The following ZNF708 variants were observed in gnomAD, a reference collection of about 807,000 sequenced individuals.
The protein encoded by ZNF708 is ZNF15, ZNF15L1.
A neutral mutation model predicts 47.0 loss-of-function variants in ZNF708; 44 were observed. The ratio of observed to expected loss-of-function variants is 0.94; its 90% CI spans 0.74 to 1.20. ZNF708 has a LOEUF of 1.20. Ranked by LOEUF, ZNF708 falls within the 50% of genes most tolerant of loss-of-function variation. The probability of loss-of-function intolerance (pLI) is 0.00; values close to 1 mark genes in which losing one functional copy is unlikely to be tolerated. For missense variants in ZNF708, 557 were observed against 656.0 expected (o/e 0.85, Z 1.65); for synonymous variants, 184 against 218.5 (o/e 0.84, Z 1.39).
intron 1 of ZNF708, among the ~76,000 whole-genome samples, chr19:21,322,960 T>C (rs928785991): frequency 3.9e-5 from 6 of 152,126 alleles, no homozygotes; most frequent in African/African-American, 1.4e-4. Context: ...AGGACTCCCA[T>C]AACCTTTTTC....
At position 21,309,260 on chromosome 19, in the gene ZNF708, G is replaced by A. The variant is rs547516; in HGVS notation, c.212C>T (p.Ala71Val). Reference protein sequence around the residue: ...EPWNMKRHEMAAKPPAMCSHF... With the variant: ...EPWNMKRHEMVAKPPAMCSHF... ...CTCTCACCTACCTGGGGGTTTGGCT[G>A]CCATCTCGTGTCTCTTCATATTCCA... The change falls in exon 3 of 4, where the codon GCA becomes GTA. Residue 71 changes from alanine to valine, a missense_variant. Ala to Val is a moderately conservative substitution (Grantham distance 64, BLOSUM62 0). Transcript: ENST00000356929. 1,533,679 of 1,602,734 alleles carry A rather than the reference G, an allele frequency of 0.96. 736,060 individuals carry two copies. The highest frequency in any genetic ancestry group is 0.98 in the Middle Eastern group (5,831 of 5,970).
At chr19:21,319,499 G>C (rs944418210) in intron 1 of ZNF708, among the ~76,000 whole-genome samples, 1 of 151,570 alleles carries the variant, frequency 6.6e-6, no homozygotes, top group Non-Finnish European at 1.5e-5. Context: ...TGTTGCCCAG[G>C]CTGGAGAGGA....
chr19:21,313,980 T>C (rs1028441768), intron 1 of ZNF708, among the ~76,000 whole-genome samples: 1 of 152,218 alleles, frequency 6.6e-6, no homozygotes, highest in Admixed American at 6.5e-5. Flanking sequence ...ATTAAGACCC[T>C]AAAATACATA....
intron 1 of ZNF708, among the ~76,000 whole-genome samples, chr19:21,325,169 A>G (rs2145190240): frequency 6.6e-6 from 1 of 152,314 alleles, no homozygotes; most frequent in East Asian, 1.9e-4. Context: ...AATTCAGTGC[A>G]ATCCTTATCA....
chr19:21,318,060 G>C, intron 1 of ZNF708: 1 of 152,226 alleles, frequency 6.6e-6, no homozygotes. Flanking sequence ...CTGCCAATGA[G>C]GCACAGCCCA....
intron 3 of ZNF708, among the ~76,000 whole-genome samples, chr19:21,307,208 T>C (rs1972801525): frequency 6.6e-6 from 1 of 150,950 alleles, no homozygotes; most frequent in East Asian, 1.9e-4. Flanking sequence ...GAATTACAAC[T>C]ATCCAAGCCC....
chr19:21,312,958 T>C (rs1358102638), intron 1 of ZNF708, among the ~76,000 whole-genome samples: 1 of 133,818 alleles, frequency 7.5e-6, no homozygotes, highest in Non-Finnish European at 1.7e-5. Flanking sequence ...CAACATGTAC[T>C]AATGCAAGGT....
Position 21,293,630 on chromosome 19 carries a change from T to C in ZNF708, c.1336A>G (p.Lys446Glu). The C allele has an allele frequency of 2.5e-6, 4 of 1,612,492 alleles. No homozygotes were observed. The African/African-American group carries it at 4.0e-5, about 16-fold the overall frequency. ...CCACATTCTTCACATTTGTAGGGTT[T>C]GTCTTCAGTATGAATTACTTTATGT... ...TKHKVIHTEDKPYKCEECGKT... is the reference protein window; with the variant it reads ...TKHKVIHTEDEPYKCEECGKT... The change falls in exon 4 of 4, where the codon AAA becomes GAA. Residue 446 changes from lysine to glutamate, a missense_variant. Coordinates refer to ENST00000356929, the MANE Select transcript of ZNF708 (RefSeq NM_021269.3).
chr19:21,302,352 T>C (rs1191360809), intron 3 of ZNF708, among the ~76,000 whole-genome samples: 1 of 152,106 alleles, frequency 6.6e-6, no homozygotes, highest in East Asian at 1.9e-4. Flanking sequence ...CTGAAAAATA[T>C]AAAGGTATAG....
chr19:21,307,067 ATAT>A, intron 3 of ZNF708: 1 of 146,888 alleles, frequency 6.8e-6, no homozygotes, highest in Non-Finnish European at 1.5e-5. Flanking sequence ...ATAAAATAAA[ATAT>A]AAAATAAAAT....
intron 3 of ZNF708, among the ~76,000 whole-genome samples, chr19:21,298,012 T>A (rs905485304): frequency 1.4e-4 from 21 of 151,784 alleles, no homozygotes; most frequent in African/African-American, 4.3e-4. Flanking sequence ...GACGCACATC[T>A]CACATGAGGG....
chr19:21,329,386 G>A lies in ZNF708; in HGVS notation c.-174C>T, dbSNP rs2997212. The A allele has an allele frequency of 1.5e-5, 15 of 970,812 alleles. No homozygotes were observed. In the African/African-American group the frequency reaches 2.0e-4, roughly 13 times the overall value. The allele number at this position is 970,812 out of a possible 1,614,324, so 60.1% of individuals were successfully genotyped here. A position where few individuals can be genotyped will look rare whatever the true frequency, so the allele number is the denominator to read the frequency against. On this transcript the variant is annotated 5_prime_UTR_variant, in exon 1 of 4. Transcript: ENST00000356929. The stretch of plus-strand genomic sequence containing the variant: ...CCGCGCCAAACCCGGAAGCCGCCCT[G>A]TCCGGTCCAGCTGCGTGTCTGAGTG...
At chr19:21,327,796 T>A (rs1262679765) in intron 1 of ZNF708, among the ~76,000 whole-genome samples, 5 of 152,154 alleles carry the variant, frequency 3.3e-5, no homozygotes, top group Non-Finnish European at 7.4e-5. Flanking sequence ...AATACCAGCA[T>A]CTGATTGGCT....
At position 21,293,667 on chromosome 19, in the gene ZNF708, T is replaced by C; in HGVS notation, c.1299A>G (p.Ser433=). Reference sequence around the variant, plus strand: ...GAATTACTTTATGTTTAGTAAGGATTGAGAATATACTAAAGGCTTTACCAC... The same window carrying C: ...GAATTACTTTATGTTTAGTAAGGATCGAGAATATACTAAAGGCTTTACCAC... ...EECGKAFSIF[S]ILTKHKVIHT... is the part of the protein sequence containing the mutation. The change falls in exon 4 of 4, where the codon TCA becomes TCG. Residue 433 remains serine, a synonymous_variant. Coordinates refer to ENST00000356929, the MANE Select transcript of ZNF708 (RefSeq NM_021269.3). 2 of 1,612,748 alleles carry C rather than the reference T, an allele frequency of 1.2e-6. No homozygotes were observed. The highest frequency in any genetic ancestry group is 1.7e-6 in the Non-Finnish European group (2 of 1,179,626).
At chr19:21,327,531 T>G (rs1291011264) in intron 1 of ZNF708, among the ~76,000 whole-genome samples, 1 of 49,696 alleles carries the variant, frequency 2.0e-5, no homozygotes, top group Non-Finnish European at 4.1e-5. Context: ...AAACTCCACC[T>G]CAAAAAAAAA....
In ZNF708 at chr19:21,293,503, G is replaced by A. The variant is rs549333701; in HGVS notation, c.1463C>T (p.Ser488Phe). Residue 488 changes from serine to phenylalanine, a missense_variant, in exon 4 of 4, where the codon TCC (serine) becomes TTC (phenylalanine). Physicochemically the swap from Ser to Phe is radical, Grantham distance 155 (BLOSUM62 -2). Transcript: ENST00000356929. ...CEECGKSFIL[S>F]SHLTTHKIIH... ...TATCTTATGTGTAGTAAGATGAGAG[G>A]ACAGAATAAAGCTTTTGCCACATTC... 3 of 1,613,056 alleles carry A rather than the reference G, an allele frequency of 1.9e-6. No individual in the cohort carries two copies. Among genetic ancestry groups the A allele is most frequent in the South Asian group, 2.2e-5 (2 of 91,006 alleles).
At position 21,293,306 on chromosome 19, in the gene ZNF708, G is replaced by T; in HGVS notation, c.1660C>A (p.His554Asn). 2 of 1,609,958 alleles carry T rather than the reference G, an allele frequency of 1.2e-6. No individual in the cohort carries two copies. The highest frequency in any genetic ancestry group is 1.7e-6 in the Non-Finnish European group (2 of 1,178,424). The change falls in exon 4 of 4, where the codon CAT becomes AAT. Residue 554 changes from histidine to asparagine, a missense_variant. Transcript: ENST00000356929. ...SPNLTKHKRIHTKEKPYKCK is the reference protein window; with the variant it reads ...SPNLTKHKRINTKEKPYKCK ...CATTTGTAGGGTTTCTCTTTGGTAT[G>T]AATTCTCTTATGTTTAGTAAGGTTT...
intron 3 of ZNF708, among the ~76,000 whole-genome samples, chr19:21,300,898 G>A (rs1028016292): frequency 1.3e-5 from 2 of 151,988 alleles, no homozygotes; most frequent in Admixed American, 6.6e-5. Context: ...CTGACCTCAC[G>A]ATCCACCTGC....
At chr19:21,325,864 C>G (rs1043868150) in intron 1 of ZNF708, among the ~76,000 whole-genome samples, 12 of 152,150 alleles carry the variant, frequency 7.9e-5, no homozygotes, top group African/African-American at 2.9e-4. Flanking sequence ...CCAAACAAAT[C>G]AGTACAAAAC....
Sources: gnomAD v4.1 joint callset for allele counts (sites outside exome capture counted in the v4.1 genomes callset) on GRCh38, gnomAD v4.1.1 for gene constraint, MANE v1.5 for transcripts, NCBI Gene and HGNC (gene_info 2026-07-23, HGNC 2026-07-21) for gene names.